Variants in SYNDIG1 observed in about 807,000 individuals in gnomAD.
SYNDIG1 encodes synapse differentiation-inducing gene protein 1.
Under a neutral mutation model 19.4 loss-of-function variants are expected in SYNDIG1, and 9 were observed. The ratio of observed to expected loss-of-function variants is 0.46; its 90% CI spans 0.28 to 0.81. The LOEUF (loss-of-function observed/expected upper bound fraction) is 0.81, where lower values mean the gene tolerates loss of function less well. Ranked by LOEUF, SYNDIG1 falls within the 30% of genes least tolerant of loss-of-function variation. The pLI, the probability that SYNDIG1 is intolerant of heterozygous loss-of-function variation, is 0.12. For missense variants in SYNDIG1, 311 were observed against 343.3 expected (o/e 0.91, Z 0.74); for synonymous variants, 141 against 145.9 (o/e 0.97, Z 0.24).
At chr20:24,665,296 T>G (rs2059637342) in intron 3 of SYNDIG1, 50 bp from the exon 4 acceptor site, 1 of 1,561,794 alleles carries the variant, frequency 6.4e-7, no homozygotes, top group East Asian at 2.3e-5. Flanking sequence ...CACTCACTGC[T>G]TGTTCCGACT....
chr20:24,611,133 C>T (rs927342773), intron 3 of SYNDIG1, among the ~76,000 whole-genome samples: 2 of 152,140 alleles, frequency 1.3e-5, no homozygotes, highest in African/African-American at 2.4e-5. Flanking sequence ...CTCCAAACCA[C>T]GGCCCACGGC....
At chr20:24,548,074 A>G (rs6076236) in intron 2 of SYNDIG1, among the ~76,000 whole-genome samples, 56,608 of 151,988 alleles carry the variant, frequency 0.37, 11,085 homozygotes, top group East Asian at 0.59. Context: ...ACGCCCTCCA[A>G]GTGCACTTGG....
chr20:24,652,450 C>G (rs936602624), intron 3 of SYNDIG1, among the ~76,000 whole-genome samples: 1 of 152,222 alleles, frequency 6.6e-6, no homozygotes, highest in Admixed American at 6.5e-5. Flanking sequence ...GAAGGGCCAT[C>G]AGAAGAGGCT....
intron 2 of SYNDIG1, among the ~76,000 whole-genome samples, chr20:24,576,671 A>G (rs2058233149): frequency 6.6e-6 from 1 of 152,066 alleles, no homozygotes; most frequent in Admixed American, 6.5e-5. Context: ...CTAAATAGTA[A>G]TGACCACCCC....
chr20:24,586,465 G>C (rs1259886186), intron 3 of SYNDIG1, among the ~76,000 whole-genome samples: 1 of 152,194 alleles, frequency 6.6e-6, no homozygotes, highest in African/African-American at 2.4e-5. Context: ...TGAGGTCCCA[G>C]ACTGGGACAC....
intron 1 of SYNDIG1, among the ~76,000 whole-genome samples, chr20:24,503,157 G>C (rs1405804980): frequency 2.0e-5 from 3 of 152,162 alleles, no homozygotes; most frequent in Non-Finnish European, 4.4e-5. Flanking sequence ...CTTCTCTGTT[G>C]CTCCTTCCTG....
intron 3 of SYNDIG1, among the ~76,000 whole-genome samples, chr20:24,600,987 C>T (rs17250068): frequency 0.2 from 30,298 of 152,098 alleles, 3,703 homozygotes; most frequent in Admixed American, 0.35. Flanking sequence ...CTTGTATCAA[C>T]GGAAAAATTT....
At chr20:24,620,282 G>A (rs1374538423) in intron 3 of SYNDIG1, among the ~76,000 whole-genome samples, 1 of 152,184 alleles carries the variant, frequency 6.6e-6, no homozygotes, top group African/African-American at 2.4e-5. Context: ...TCAAGAAGCA[G>A]CATGAGGATG....
At chr20:24,542,904 A>G in intron 1 of SYNDIG1, 116 bp from the exon 2 acceptor site, 1 of 773,232 alleles carries the variant, frequency 1.3e-6, no homozygotes. Context: ...TCTAACTCTC[A>G]CAGTTACTAT....
chr20:24,576,171 C>A (rs2058224845), intron 2 of SYNDIG1, among the ~76,000 whole-genome samples: 1 of 152,198 alleles, frequency 6.6e-6, no homozygotes, highest in African/African-American at 2.4e-5. Context: ...TTTTCAGGGG[C>A]ACAAAGGTAC....
At chr20:24,661,379 G>GGAGGGAGGAAAGAGGGAGGAGGGAGGGAA (rs2059587156) in intron 3 of SYNDIG1, among the ~76,000 whole-genome samples, 1 of 148,542 alleles carries the variant, frequency 6.7e-6, no homozygotes, top group Non-Finnish European at 1.5e-5. Context: ...GAGGGAAGAG[G>GGAGGGAGGAAAGAGGGAGGAGGGAGGGAA]GAGGGAGGAA....
intron 1 of SYNDIG1, among the ~76,000 whole-genome samples, chr20:24,531,817 G>T (rs1346330243): frequency 6.6e-6 from 1 of 152,224 alleles, no homozygotes; most frequent in Non-Finnish European, 1.5e-5. Context: ...TTCTGGTGGG[G>T]AAGATGGCTT....
chr20:24,548,246 G>C (rs2057628158), intron 2 of SYNDIG1, among the ~76,000 whole-genome samples: 1 of 152,178 alleles, frequency 6.6e-6, no homozygotes, highest in African/African-American at 2.4e-5. Context: ...GTCTCCTCAT[G>C]ATGATGCTGT....
intron 1 of SYNDIG1, among the ~76,000 whole-genome samples, chr20:24,510,577 AAAAAAAAAG>A (rs1380795176): frequency 1.3e-5 from 2 of 151,918 alleles, no homozygotes; most frequent in Non-Finnish European, 2.9e-5. Flanking sequence ...CTCAAAAAAA[AAAAAAAAAG>A]AAAAGAAATA....
chr20:24,575,170 C>A (rs2058207988), intron 2 of SYNDIG1, among the ~76,000 whole-genome samples: 1 of 152,228 alleles, frequency 6.6e-6, no homozygotes, highest in African/African-American at 2.4e-5. Context: ...CCTCAAAGAG[C>A]TGAACGTTTT....
At chr20:24,560,893 G>T (rs6106907) in intron 2 of SYNDIG1, among the ~76,000 whole-genome samples, 15,528 of 150,378 alleles carry the variant, frequency 0.1, 1,500 homozygotes, top group African/African-American at 0.25. Flanking sequence ...AAAAAGTGTT[G>T]TTTTGGGTGT....
At chr20:24,519,969 C>T (rs1436613024) in intron 1 of SYNDIG1, among the ~76,000 whole-genome samples, 1 of 152,116 alleles carries the variant, frequency 6.6e-6, no homozygotes, top group Admixed American at 6.6e-5. Context: ...CAGTCTGTGG[C>T]TCTTTCTCTC....
At chr20:24,599,846 G>A (rs539301902) in intron 3 of SYNDIG1, among the ~76,000 whole-genome samples, 1 of 152,312 alleles carries the variant, frequency 6.6e-6, no homozygotes, top group African/African-American at 2.4e-5. Context: ...GTAGTTGGGG[G>A]ACGATGAAGA....
intron 2 of SYNDIG1, among the ~76,000 whole-genome samples, chr20:24,583,029 G>A (rs999336011): frequency 8.5e-5 from 13 of 152,352 alleles, no homozygotes; most frequent in African/African-American, 3.1e-4. Context: ...CGTCCTTATT[G>A]TTGGACTGAT....
Sources: gnomAD v4.1 joint callset for allele counts (sites outside exome capture counted in the v4.1 genomes callset) on GRCh38, gnomAD v4.1.1 for gene constraint, MANE v1.5 for transcripts, NCBI Gene and HGNC (gene_info 2026-07-23, HGNC 2026-07-21) for gene names.